The following SYNE2 variants were observed in gnomAD, a reference collection of about 807,000 sequenced individuals.
The protein encoded by SYNE2 is nesprin-2.
Under a neutral mutation model 856.3 loss-of-function variants are expected in SYNE2, and 431 were observed. The ratio of observed to expected loss-of-function variants is 0.50; its 90% CI spans 0.47 to 0.55. The LOEUF is 0.55. SYNE2 is among the 20% of genes least tolerant of loss of function. The probability of loss-of-function intolerance (pLI) is 0.00; values close to 1 mark genes in which losing one functional copy is unlikely to be tolerated. For missense variants in SYNE2, 8,129 were observed against 8,023.2 expected (o/e 1.01, Z -0.50); for synonymous variants, 2,923 against 2,872.3 (o/e 1.02, Z -0.56).
At chr14:63,805,818 G>A (rs1888342390) in intron 1 of SYNE2, among the ~76,000 whole-genome samples, 1 of 152,134 alleles carries the variant, frequency 6.6e-6, no homozygotes, top group African/African-American at 2.4e-5. Context: ...ACTGATTTTT[G>A]TATATTGATT....
At position 63,976,523 on chromosome 14, in the gene SYNE2, C is replaced by T. The variant is rs1363486645; in HGVS notation, c.1129-40C>T. ...TGTGAAGAAATAAACTAGAAAAGTT[C>T]TACTGAAGAATATGTTCTTTTTTTT... On this transcript the variant is annotated intron_variant, in intron 11 of 115. Coordinates refer to ENST00000555002, the MANE Select transcript of SYNE2 (RefSeq NM_182914.3). 2.5e-6 allele frequency: 4 copies of T among 1,577,596 alleles called. No homozygotes were observed. In the South Asian group the frequency reaches 3.4e-5, roughly 14 times the overall value.
At chr14:63,934,888 T>C (rs553143464) in intron 2 of SYNE2, among the ~76,000 whole-genome samples, 79 of 152,338 alleles carry the variant, frequency 5.2e-4, no homozygotes, top group African/African-American at 1.9e-3. Context: ...TTGCTAGGAA[T>C]GGATAGGGCC....
In SYNE2 at chr14:64,130,224, A is replaced by G; in HGVS notation, c.14316A>G (p.Leu4772=). ...HLKQTKSKVA[L]QAQIENHKVF... ...AACAAACCAAAAGTAAAGTGGCGTT[A>G]CAGGCTCAAATAGAAAATCACAAGG... Residue 4772 remains leucine (L), a synonymous_variant, in exon 76 of 116, where the codon TTA becomes TTG. Transcript: ENST00000555002. The G allele has an allele frequency of 6.2e-7, 1 of 1,613,208 alleles. No homozygotes were observed. The highest frequency in any genetic ancestry group is 8.5e-7 in the Non-Finnish European group (1 of 1,179,588).
At chr14:63,915,838 T>G (rs1490326695) in intron 2 of SYNE2, among the ~76,000 whole-genome samples, 1 of 152,236 alleles carries the variant, frequency 6.6e-6, no homozygotes, top group Non-Finnish European at 1.5e-5. Context: ...TATTATATAC[T>G]GAGTATCCAT....
intron 6 of SYNE2, 64 bp downstream of exon 6, chr14:63,942,207 A>G (rs2095928139): frequency 3.0e-6 from 3 of 1,009,150 alleles, no homozygotes; most frequent in Non-Finnish European, 4.6e-6. Flanking sequence ...AATGTAATGC[A>G]ATAAGTGTGA....
rs770888467 is a variant in SYNE2, at chr14:64,137,927, C to G, written c.14787C>G (p.Asn4929Lys). Residue 4929 changes from asparagine to lysine, a missense_variant, in exon 79 of 116, where the codon AAC becomes AAG. Asn to Lys is a moderately conservative substitution (Grantham distance 94). Transcript: ENST00000555002. ...TGGAAGAGCAGTGGTTGTCCCTGAA[C>G]AAGAAAATTGACCATGAGCTCCACA... The part of the protein sequence containing the change: ...AKLEEQWLSL[N>K]KKIDHELHRL... The G allele has an allele frequency of 1.2e-5, 20 of 1,614,152 alleles. No individual in the cohort carries two copies. The highest frequency in any genetic ancestry group is 2.7e-5 in the African/African-American group (2 of 75,044).
chr14:64,148,501 T>A (rs1400783942), intron 84 of SYNE2, among the ~76,000 whole-genome samples: 1 of 152,150 alleles, frequency 6.6e-6, no homozygotes, highest in Non-Finnish European at 1.5e-5. Flanking sequence ...TGCAGCTGAT[T>A]GCAGAATTAT....
rs201444715 is a variant in SYNE2 at position 64,220,487 on chromosome 14, C to T, written c.19911C>T (p.Asn6637=). 179 of 1,614,078 alleles carry T rather than the reference C, an allele frequency of 1.1e-4. No homozygotes were observed. Among genetic ancestry groups the T allele is most frequent in the Non-Finnish European group, 1.4e-4 (163 of 1,180,050 alleles). Residue 6637 remains asparagine, a synonymous_variant, in exon 111 of 116, where the codon AAC becomes AAT. Transcript: ENST00000555002. ...DTYKALVVSV[N]VSSKEFLQTE... ...ACAAGGCATTAGTGGTCTCTGTCAA[C>T]GTGAGCAGCAAGGAATTTCTGCAAA...
intron 50 of SYNE2, 148 bp downstream of exon 50, chr14:64,063,043 C>A: frequency 1.0e-6 from 1 of 985,682 alleles, no homozygotes; most frequent in Non-Finnish European, 1.6e-6. Flanking sequence ...AAATCGAAAG[C>A]CAGAGAGTAA....
intron 1 of SYNE2, among the ~76,000 whole-genome samples, chr14:63,764,123 C>T (rs183260219): frequency 6.6e-6 from 1 of 152,316 alleles, no homozygotes. Context: ...TGGGGGCTAG[C>T]TGTTAGGCAT....
intron 1 of SYNE2, among the ~76,000 whole-genome samples, chr14:63,859,631 ACATAGTGAAATCCCAT>A: frequency 6.6e-6 from 1 of 152,364 alleles, no homozygotes; most frequent in South Asian, 2.1e-4. Context: ...AGCCTGGCCA[ACATAGTGAAATCCCAT>A]CTCTACTAAA....
chr14:63,923,123 A>G (rs1174087904), intron 2 of SYNE2, among the ~76,000 whole-genome samples: 1 of 152,234 alleles, frequency 6.6e-6, no homozygotes, highest in Non-Finnish European at 1.5e-5. Context: ...CATTCCGTAG[A>G]TATTTATTGA....
chr14:64,052,779 CAGG>C lies in SYNE2; in HGVS notation c.8873_8875del (p.Glu2958del). ...ATTCCATGAAAAAACATCAGCGCTT[CAGG>C]AGGAGGCTGACAGTATACAGCGCAA... On this transcript the variant is annotated inframe_deletion, in exon 48 of 116. Coordinates refer to ENST00000555002, the MANE Select transcript of SYNE2 (RefSeq NM_182914.3). 6.2e-7 allele frequency: 1 copy of C among 1,612,338 alleles called. No individual in the cohort carries two copies. The highest frequency in any genetic ancestry group is 2.2e-5 in the East Asian group (1 of 44,866).
intron 100 of SYNE2, 63 bp downstream of exon 100, chr14:64,203,026 C>A: frequency 6.3e-7 from 1 of 1,591,010 alleles, no homozygotes; most frequent in Non-Finnish European, 8.6e-7. Flanking sequence ...CTGACTGAGG[C>A]CTTCCCCGTA....
At chr14:64,012,235 C>G (rs983805358) in intron 32 of SYNE2, among the ~76,000 whole-genome samples, 10 of 152,184 alleles carry the variant, frequency 6.6e-5, no homozygotes, top group Non-Finnish European at 1.0e-4. Context: ...CCTCCTAGAC[C>G]AAGGTTTCAG....
chr14:64,162,053 A>G lies in SYNE2; in HGVS notation c.16095-19A>G. 1.2e-6 allele frequency: 2 copies of G among 1,614,050 alleles called. No homozygotes were observed. Among genetic ancestry groups the G allele is most frequent in the Non-Finnish European group, 1.7e-6 (2 of 1,179,956 alleles). Reference sequence around the variant, plus strand: ...GAAAGGAGAGAATGAGGGTTATGTTATTTGCGTTGCACTGACAGGTGGACT... The same window carrying G: ...GAAAGGAGAGAATGAGGGTTATGTTGTTTGCGTTGCACTGACAGGTGGACT... On this transcript the variant is annotated intron_variant, in intron 87 of 115. Coordinates refer to ENST00000555002, the MANE Select transcript of SYNE2 (RefSeq NM_182914.3).
intron 85 of SYNE2, among the ~76,000 whole-genome samples, chr14:64,157,147 G>A (rs2098292758): frequency 6.6e-6 from 1 of 152,130 alleles, no homozygotes; most frequent in Non-Finnish European, 1.5e-5. Context: ...GTTCAGTGAT[G>A]TTTAGTATAT....
At chr14:64,041,409 A>G (rs1234355856) in intron 45 of SYNE2, among the ~76,000 whole-genome samples, 1 of 152,212 alleles carries the variant, frequency 6.6e-6, no homozygotes, top group East Asian at 1.9e-4. Flanking sequence ...ACTGAAAGAT[A>G]ATGACAATGC....
Position 64,113,497 on chromosome 14 carries a change from A to C in SYNE2, c.12766A>C (p.Asn4256His), listed in dbSNP as rs539724577. 4 of 1,614,022 alleles carry C rather than the reference A, an allele frequency of 2.5e-6. No homozygotes were observed. Among genetic ancestry groups the C allele is most frequent in the Non-Finnish European group, 2.5e-6 (3 of 1,180,000 alleles). The change falls in exon 66 of 116, where the codon AAC becomes CAC. Residue 4256 changes from asparagine (N) to histidine (H), a missense_variant. Asn to His is a moderately conservative substitution (Grantham distance 68). Coordinates refer to ENST00000555002, the MANE Select transcript of SYNE2 (RefSeq NM_182914.3). ...AELELWLQQA[N>H]VAVEPETLNA... Reference sequence around the variant, plus strand: ...GCTGGAGCTGTGGCTGCAACAAGCCAACGTGGCAGTTGAGCCGGAAACATT... The same window carrying C: ...GCTGGAGCTGTGGCTGCAACAAGCCCACGTGGCAGTTGAGCCGGAAACATT...
Sources: allele counts gnomAD v4.1 joint callset (sites outside exome capture counted in the v4.1 genomes callset), GRCh38; gene constraint gnomAD v4.1.1; transcripts MANE v1.5; gene names NCBI Gene and HGNC (gene_info 2026-07-23, HGNC 2026-07-21).